Variants in ADAMTSL1 observed in about 807,000 individuals in gnomAD.
ADAMTSL1 encodes the protein ADAMTS-like protein 1.
Under a neutral mutation model 201.8 loss-of-function variants are expected in ADAMTSL1, and 126 were observed. The observed-to-expected ratio is 0.62, with a 90% CI of 0.54 to 0.72. ADAMTSL1 has a LOEUF of 0.72. Ranked by LOEUF, ADAMTSL1 falls within the 30% of genes least tolerant of loss-of-function variation. The pLI, the probability that ADAMTSL1 is intolerant of heterozygous loss-of-function variation, is 0.00. For missense variants in ADAMTSL1, 2,679 were observed against 2,277.8 expected, an observed-to-expected ratio of 1.18 and a Z score of -3.59; for synonymous variants, 1,121 against 903.4, an observed-to-expected ratio of 1.24 and a Z score of -4.32.
At chr9:18,908,169 A>G in intron 28 of ADAMTSL1, 1 of 475,342 alleles carries the variant, frequency 2.1e-6, no homozygotes, top group Non-Finnish European at 3.8e-6. Context: ...CAGGAAGTAG[A>G]GGGAGCTGCA....
chr9:18,824,579 TG>T (rs1159174815), intron 21 of ADAMTSL1, among the ~76,000 whole-genome samples: 1 of 152,074 alleles, frequency 6.6e-6, no homozygotes, highest in Non-Finnish European at 1.5e-5. Flanking sequence ...AAACTGCCCT[TG>T]CCCCAAAGGC....
At chr9:18,004,686 T>C (rs1819745207) in intron 1 of ADAMTSL1, among the ~76,000 whole-genome samples, 1 of 152,046 alleles carries the variant, frequency 6.6e-6, no homozygotes, top group African/African-American at 2.4e-5. Flanking sequence ...CAGTCTCCTG[T>C]AGGCTTTAGA....
chr9:18,639,286 G>A lies in ADAMTSL1; in HGVS notation c.709G>A (p.Gly237Ser), dbSNP rs759815320. ...LETKTLQGTK[G>S]ENSLSSTGTF... ...AACCAAAACCCTCCAGGGGACTAAA[G>A]GTGAAAACAGTCTCAGCTCCACAGG... Residue 237 changes from glycine (G) to serine (S), a missense_variant, in exon 7 of 29, where the codon GGT (glycine) becomes AGT (serine). Gly to Ser is a moderately conservative substitution (Grantham distance 56). Transcript: ENST00000380548. 6.8e-6 allele frequency: 11 copies of A among 1,612,886 alleles called. No homozygotes were observed. In the Admixed American group the frequency reaches 1.7e-4, roughly 24 times the overall value.
chr9:18,650,336 G>C (rs1828153581), intron 7 of ADAMTSL1, among the ~76,000 whole-genome samples: 1 of 152,176 alleles, frequency 6.6e-6, no homozygotes, highest in Non-Finnish European at 1.5e-5. Context: ...CTGACCCCTT[G>C]CACTTCCTGA....
intron 19 of ADAMTSL1, among the ~76,000 whole-genome samples, chr9:18,780,588 A>G (rs2133776095): frequency 6.6e-6 from 1 of 152,284 alleles, no homozygotes; most frequent in Non-Finnish European, 1.5e-5. Context: ...TATAAAAAGT[A>G]CAAGCCTCCC....
chr9:18,524,234 C>G (rs1463906585), intron 2 of ADAMTSL1, among the ~76,000 whole-genome samples: 3 of 152,182 alleles, frequency 2.0e-5, no homozygotes, highest in African/African-American at 7.2e-5. Context: ...TGATTTGGCT[C>G]TCTGTTTGTC....
At chr9:17,923,558 T>C (rs1029119554) in intron 1 of ADAMTSL1, among the ~76,000 whole-genome samples, 2 of 151,364 alleles carry the variant, frequency 1.3e-5, no homozygotes, top group South Asian at 2.1e-4. Flanking sequence ...TATACAATCA[T>C]GTCGTCTGCA....
intron 1 of ADAMTSL1, among the ~76,000 whole-genome samples, chr9:18,072,640 A>T (rs779902182): frequency 5.9e-5 from 9 of 152,224 alleles, no homozygotes; most frequent in Non-Finnish European, 1.2e-4. Context: ...GATTATCTGC[A>T]TATCTCTCAG....
rs531231632 is a variant in ADAMTSL1 at position 18,769,719 on chromosome 9, A to G, written c.2218-883A>G. Among the ~76,000 whole-genome samples, 18 of 152,306 alleles carry G rather than the reference A, an allele frequency of 1.2e-4. No individual in the cohort carries two copies. The East Asian group carries it at 2.9e-3, about 24-fold the overall frequency. On this transcript the variant is annotated intron_variant, in intron 16 of 28. Coordinates refer to ENST00000380548, the MANE Select transcript of ADAMTSL1 (RefSeq NM_001040272.6). The stretch of plus-strand genomic sequence containing the variant: ...TCTTTTTGGGCACTTCCCTGAAAGC[A>G]CACACAACCCTTCCGTTTATATCCC...
intron 2 of ADAMTSL1, among the ~76,000 whole-genome samples, chr9:18,363,319 A>G (rs1394751966): frequency 6.6e-6 from 1 of 152,236 alleles, no homozygotes; most frequent in Non-Finnish European, 1.5e-5. Flanking sequence ...TCCTAAGTAA[A>G]CAATCATAAA....
At position 18,098,064 on chromosome 9, in the gene ADAMTSL1, A is replaced by G. The variant is rs577811794; in HGVS notation, c.88-65798A>G. Among the ~76,000 whole-genome samples, 4 of 152,214 alleles carry G rather than the reference A, an allele frequency of 2.6e-5. No homozygotes were observed. In the South Asian group the frequency reaches 8.3e-4, roughly 32 times the overall value. On this transcript the variant is annotated intron_variant, in intron 1 of 29. Coordinates refer to the ADAMTSL1 transcript ENST00000680146. ...TTCCAGATTGATATGCAGTTTTTAC[A>G]GAAACATTTATTGAAAACGTGATCC...
intron 13 of ADAMTSL1, among the ~76,000 whole-genome samples, chr9:18,688,689 A>AAAAAAATATAT (rs1554730404): frequency 3.5e-4 from 3 of 8,648 alleles, no homozygotes; most frequent in African/African-American, 1.1e-3. Context: ...AAAAAAAAAA[A>AAAAAAATATAT]ATATATATAT....
intron 14 of ADAMTSL1, among the ~76,000 whole-genome samples, chr9:18,717,525 A>C (rs1340399037): frequency 6.6e-6 from 1 of 152,154 alleles, no homozygotes; most frequent in African/African-American, 2.4e-5. Context: ...TACAAGTATC[A>C]AAGAAGCAAA....
intron 13 of ADAMTSL1, among the ~76,000 whole-genome samples, chr9:18,703,301 T>G (rs568634640): frequency 6.6e-6 from 1 of 152,164 alleles, no homozygotes; most frequent in African/African-American, 2.4e-5. Flanking sequence ...GCCAGAAAAC[T>G]CAAGATAGTA....
At chr9:18,514,201 T>C (rs1818219031) in intron 2 of ADAMTSL1, among the ~76,000 whole-genome samples, 1 of 152,198 alleles carries the variant, frequency 6.6e-6, no homozygotes, top group Admixed American at 6.5e-5. Flanking sequence ...GTTCAAGTCC[T>C]TCACTTCCTT....
At chr9:17,978,200 A>G (rs1818532022) in intron 1 of ADAMTSL1, among the ~76,000 whole-genome samples, 1 of 152,024 alleles carries the variant, frequency 6.6e-6, no homozygotes, top group Non-Finnish European at 1.5e-5. Flanking sequence ...TTAAAGCCGA[A>G]GTGAGTCTGT....
chr9:18,508,473 A>C (rs1422629366), intron 2 of ADAMTSL1, among the ~76,000 whole-genome samples: 1 of 152,166 alleles, frequency 6.6e-6, no homozygotes, highest in African/African-American at 2.4e-5. Flanking sequence ...TCTGCTCAGG[A>C]TCCTCCATGG....
intron 2 of ADAMTSL1, among the ~76,000 whole-genome samples, chr9:18,167,473 T>C (rs1214469650): frequency 1.3e-5 from 2 of 151,912 alleles, no homozygotes; most frequent in African/African-American, 4.8e-5. Flanking sequence ...TTAATCACAG[T>C]GTGTAAAGAG....
At chr9:18,154,899 A>G (rs1827083145) in intron 1 of ADAMTSL1, among the ~76,000 whole-genome samples, 1 of 152,078 alleles carries the variant, frequency 6.6e-6, no homozygotes, top group African/African-American at 2.4e-5. Context: ...TAAGTTACAT[A>G]TACAATTTAA....
Sources: allele counts gnomAD v4.1 joint callset (sites outside exome capture counted in the v4.1 genomes callset), GRCh38; gene constraint gnomAD v4.1.1; transcripts MANE v1.5; gene names NCBI Gene and HGNC (gene_info 2026-07-23, HGNC 2026-07-21).